The following WDR70 variants were observed in gnomAD, a reference collection of about 807,000 sequenced individuals.
WDR70 encodes the protein WD repeat domain 70.
Under a neutral mutation model 88.6 loss-of-function variants are expected in WDR70, and 53 were observed. The observed-to-expected ratio is 0.60, with a 90% CI of 0.48 to 0.75. The LOEUF is 0.75. Ranked by LOEUF, WDR70 falls within the 30% of genes least tolerant of loss-of-function variation. The pLI, the probability that WDR70 is intolerant of heterozygous loss-of-function variation, is 0.00. For synonymous variants in WDR70, 280 were observed against 270.0 expected, an observed-to-expected ratio of 1.04 and a Z score of -0.36; for missense variants, 610 against 823.2, an observed-to-expected ratio of 0.74 and a Z score of 3.17.
At chr5:37,425,398 C>G (rs1750092804) in intron 5 of WDR70, among the ~76,000 whole-genome samples, 1 of 152,150 alleles carries the variant, frequency 6.6e-6, no homozygotes, top group Non-Finnish European at 1.5e-5. Context: ...GTTAGGCCTC[C>G]TTCAGAAGAT....
In WDR70 at chr5:37,563,549, C is replaced by CG. The variant is rs1297427598; in HGVS notation, c.918-41509dup. Reference sequence around the variant, plus strand: ...CTCCCGGATGGGGCGGCTGGCCGGGCGGGGGGCTGACCCCCCCCCACCTCC... The same window carrying CG: ...CTCCCGGATGGGGCGGCTGGCCGGGCGGGGGGGCTGACCCCCCCCCACCTCC... On this transcript the variant is annotated intron_variant, in intron 9 of 17. Transcript: ENST00000265107. Among the ~76,000 whole-genome samples the CG allele has an allele frequency of 6.2e-5, 3 of 48,274 alleles. 1 individual carries two copies. The highest frequency in any genetic ancestry group is 1.3e-4 in the Non-Finnish European group (3 of 23,314). The allele number at this position is 48,274 out of a possible 152,430, so 31.7% of individuals were successfully genotyped here.
At chr5:37,699,359 CAG>C (rs1491163223) in intron 11 of WDR70, among the ~76,000 whole-genome samples, 39 of 126,506 alleles carry the variant, frequency 3.1e-4, no homozygotes, top group African/African-American at 1.2e-3. Context: ...CACACACACA[CAG>C]TGTGTGTGTG....
intron 10 of WDR70, among the ~76,000 whole-genome samples, chr5:37,679,903 G>A (rs547941795): frequency 3.0e-4 from 45 of 152,366 alleles, no homozygotes; most frequent in Non-Finnish European, 5.1e-4. Context: ...GGAGCTTCCC[G>A]GCTGCTTTGT....
Position 37,392,235 on chromosome 5 carries a change from G to A in WDR70, c.296+115G>A. On this transcript the variant is annotated intron_variant, in intron 4 of 17. Coordinates refer to ENST00000265107, the MANE Select transcript of WDR70 (RefSeq NM_018034.4). ...GAGTCTTGCTCTATCGCCCTCTGCA[G>A]TGCAGTGGCGTGATCTTGGCTGACT... 3.4e-6 allele frequency: 4 copies of A among 1,172,010 alleles called. No homozygotes were observed. In the South Asian group the frequency reaches 6.1e-5, roughly 18 times the overall value. The allele number at this position is 1,172,010 out of a possible 1,614,324, so 72.6% of individuals were successfully genotyped here.
At chr5:37,575,721 G>A (rs151091044) in intron 9 of WDR70, among the ~76,000 whole-genome samples, 9 of 152,196 alleles carry the variant, frequency 5.9e-5, no homozygotes, top group Non-Finnish European at 1.3e-4. Flanking sequence ...TAATAAACTG[G>A]TAAATGTAAG....
chr5:37,387,616 T>G (rs1424257309), intron 3 of WDR70, among the ~76,000 whole-genome samples: 3 of 151,276 alleles, frequency 2.0e-5, no homozygotes, highest in Non-Finnish European at 4.4e-5. Flanking sequence ...ATAGAAGTAG[T>G]ATTCATCATT....
intron 10 of WDR70, among the ~76,000 whole-genome samples, chr5:37,633,059 C>G (rs1007834711): frequency 8.5e-5 from 13 of 152,096 alleles, no homozygotes; most frequent in Admixed American, 3.9e-4. Context: ...AGGTTTGTAG[C>G]CTAGGAGCAA....
intron 7 of WDR70, among the ~76,000 whole-genome samples, chr5:37,470,093 G>A (rs1399626109): frequency 6.6e-6 from 1 of 150,606 alleles, no homozygotes; most frequent in African/African-American, 2.4e-5. Flanking sequence ...ATTAAAAACT[G>A]AAGGATGCCC....
intron 10 of WDR70, among the ~76,000 whole-genome samples, chr5:37,621,910 G>T (rs1053872718): frequency 6.6e-6 from 1 of 152,148 alleles, no homozygotes; most frequent in African/African-American, 2.4e-5. Flanking sequence ...TTTGTATAAG[G>T]TGTAAGGAAG....
intron 9 of WDR70, among the ~76,000 whole-genome samples, chr5:37,548,952 A>C (rs1258031634): frequency 6.6e-6 from 1 of 152,146 alleles, no homozygotes; most frequent in Non-Finnish European, 1.5e-5. Flanking sequence ...AGTTCACTAC[A>C]GGTGTGTGGA....
chr5:37,545,357 A>G (rs1741953810), intron 9 of WDR70, among the ~76,000 whole-genome samples: 1 of 152,224 alleles, frequency 6.6e-6, no homozygotes, highest in Non-Finnish European at 1.5e-5. Context: ...ATACCCTCAT[A>G]GAAATGGAAA....
chr5:37,480,736 C>T lies in WDR70; in HGVS notation c.840+749C>T, dbSNP rs183382016. On this transcript the variant is annotated intron_variant, in intron 8 of 17. Transcript: ENST00000265107. ...CCATTTAATTCTGCCTCGGCCCCTCCGAAATCTCATGTCCTCACATTTCAA... is the reference window on the plus strand; with the variant it reads ...CCATTTAATTCTGCCTCGGCCCCTCTGAAATCTCATGTCCTCACATTTCAA... Among the ~76,000 whole-genome samples, 28 of 152,236 alleles carry T rather than the reference C, an allele frequency of 1.8e-4. No homozygotes were observed. The East Asian group carries it at 2.9e-3, about 16-fold the overall frequency.
intron 10 of WDR70, among the ~76,000 whole-genome samples, chr5:37,610,928 C>T (rs1210101680): frequency 2.0e-5 from 3 of 152,138 alleles, no homozygotes; most frequent in Non-Finnish European, 4.4e-5. Flanking sequence ...TTTTGAGATT[C>T]TTACTTCCCA....
chr5:37,394,680 G>A (rs1748954838), intron 4 of WDR70, among the ~76,000 whole-genome samples: 1 of 152,196 alleles, frequency 6.6e-6, no homozygotes, highest in East Asian at 1.9e-4. Context: ...GGAGACATTT[G>A]AGGAAACTCC....
chr5:37,472,838 T>C (rs1004935642), intron 7 of WDR70, among the ~76,000 whole-genome samples: 2 of 152,072 alleles, frequency 1.3e-5, no homozygotes, highest in African/African-American at 2.4e-5. Context: ...CTTTTGGACG[T>C]AATGAATAAA....
At chr5:37,546,340 G>GT (rs1374539046) in intron 9 of WDR70, among the ~76,000 whole-genome samples, 6 of 152,280 alleles carry the variant, frequency 3.9e-5, no homozygotes, top group Admixed American at 1.3e-4. Context: ...ATTGCCATAT[G>GT]TAACGGGTAA....
chr5:37,467,226 C>CAA (rs202082473), intron 7 of WDR70, among the ~76,000 whole-genome samples: 3,166 of 134,858 alleles, frequency 0.023, 63 homozygotes, highest in African/African-American at 0.057. Flanking sequence ...GACTCTGTCT[C>CAA]AAAAAAAAAA....
chr5:37,559,972 A>T (rs2112372632), intron 9 of WDR70, among the ~76,000 whole-genome samples: 1 of 151,868 alleles, frequency 6.6e-6, no homozygotes, highest in South Asian at 2.1e-4. Flanking sequence ...TCTTGTTTTG[A>T]CTCATGAGCT....
chr5:37,447,694 A>G (rs1289792630), intron 7 of WDR70, among the ~76,000 whole-genome samples: 3 of 152,292 alleles, frequency 2.0e-5, no homozygotes, highest in Admixed American at 6.5e-5. Context: ...AGGACAGAAA[A>G]CCAAACACCG....
Sources: allele counts gnomAD v4.1 joint callset (sites outside exome capture counted in the v4.1 genomes callset), GRCh38; gene constraint gnomAD v4.1.1; transcripts MANE v1.5; gene names NCBI Gene and HGNC (gene_info 2026-07-23, HGNC 2026-07-21).